The following TASP1 variants were observed in gnomAD, a reference collection of about 807,000 sequenced individuals.
TASP1 encodes taspase 1.
Under a neutral mutation model 56.6 loss-of-function variants are expected in TASP1, and 16 were observed. The ratio of observed to expected loss-of-function variants is 0.28; its 90% CI spans 0.19 to 0.43. The LOEUF is 0.43. Among genes scored for constraint, TASP1 ranks in the 20% least tolerant of loss-of-function variants. TASP1 has a pLI of 1.00. For synonymous variants in TASP1, 179 were observed against 184.2 expected (o/e 0.97, Z 0.23); for missense variants, 393 against 511.6 (o/e 0.77, Z 2.24).
intron 13 of TASP1, among the ~76,000 whole-genome samples, chr20:13,401,116 G>T (rs6134861): frequency 6.6e-6 from 1 of 152,152 alleles, no homozygotes; most frequent in Non-Finnish European, 1.5e-5. Context: ...CTGCCACATA[G>T]GAAGTGGGTC....
chr20:13,116,808 G>A, the TASP1 span, among the ~76,000 whole-genome samples: 1 of 152,180 alleles, frequency 6.6e-6, no homozygotes, highest in African/African-American at 2.4e-5. Flanking sequence ...CACGTTCTCA[G>A]CCCACCCAAT....
the TASP1 span, among the ~76,000 whole-genome samples, chr20:13,371,356 CTT>C: frequency 6.6e-6 from 1 of 152,068 alleles, no homozygotes; most frequent in Middle Eastern, 3.2e-3. Flanking sequence ...TATGTTGTGT[CTT>C]TGTTTTCATT....
the TASP1 span, among the ~76,000 whole-genome samples, chr20:13,251,823 G>T: frequency 6.6e-6 from 1 of 152,122 alleles, no homozygotes; most frequent in Non-Finnish European, 1.5e-5. Flanking sequence ...ACTGGGGAGG[G>T]TGAGCACTTA....
At chr20:13,442,958 A>AC (rs1227959901) in intron 11 of TASP1, among the ~76,000 whole-genome samples, 1 of 152,144 alleles carries the variant, frequency 6.6e-6, no homozygotes, top group African/African-American at 2.4e-5. Context: ...TTTAAATTGC[A>AC]CTCTTCAGTT....
the TASP1 span, chr20:13,153,935 A>C: frequency 6.3e-7 from 1 of 1,583,734 alleles, no homozygotes; most frequent in Non-Finnish European, 8.6e-7. Flanking sequence ...ATGCTTGCCA[A>C]GTTGACCGGA....
At chr20:13,123,959 T>C in the TASP1 span, among the ~76,000 whole-genome samples, 1 of 151,930 alleles carries the variant, frequency 6.6e-6, no homozygotes, top group African/African-American at 2.4e-5. Flanking sequence ...AACATGCCAC[T>C]GTGAAGGACA....
the TASP1 span, among the ~76,000 whole-genome samples, chr20:13,289,299 C>T: frequency 6.6e-6 from 1 of 152,138 alleles, no homozygotes; most frequent in African/African-American, 2.4e-5. Context: ...CACTCATGGT[C>T]TGATGAGGAA....
chr20:13,141,604 G>GC, the TASP1 span, among the ~76,000 whole-genome samples: 11 of 152,176 alleles, frequency 7.2e-5, no homozygotes, highest in African/African-American at 2.7e-4. Flanking sequence ...CTGTCTGAGG[G>GC]CCCCGGCATT....
chr20:13,319,989 C>T, the TASP1 span, among the ~76,000 whole-genome samples: 19 of 152,170 alleles, frequency 1.2e-4, no homozygotes, highest in Non-Finnish European at 1.9e-4. Flanking sequence ...AAAACTCCAC[C>T]GAAGGGTTGG....
the TASP1 span, chr20:13,164,479 T>C: frequency 3.8e-6 from 2 of 533,092 alleles, no homozygotes; most frequent in Non-Finnish European, 7.2e-6. Context: ...TAAGCATGGG[T>C]CACATGTTTT....
At chr20:13,352,319 G>A in the TASP1 span, among the ~76,000 whole-genome samples, 5 of 152,034 alleles carry the variant, frequency 3.3e-5, no homozygotes, top group East Asian at 9.7e-4. Flanking sequence ...GCGTGGTGGA[G>A]CACGCCTGTA....
the TASP1 span, chr20:13,299,697 CAGA>C: frequency 2.3e-6 from 1 of 433,196 alleles, no homozygotes; most frequent in African/African-American, 1.9e-5. The surrounding 1 kb of genome is among the most constrained non-coding windows in gnomAD (Gnocchi z 5.8). Flanking sequence ...GCGATGTGGG[CAGA>C]AGGATGGGGA....
chr20:13,394,845 A>C (rs777101656), intron 13 of TASP1, among the ~76,000 whole-genome samples: 1 of 152,200 alleles, frequency 6.6e-6, no homozygotes, highest in Non-Finnish European at 1.5e-5. Context: ...CTATCAACTT[A>C]TAAATTAAAC....
chr20:13,418,508 GGAA>G (rs1555841993), intron 12 of TASP1, among the ~76,000 whole-genome samples: 1 of 152,026 alleles, frequency 6.6e-6, no homozygotes, highest in Non-Finnish European at 1.5e-5. Flanking sequence ...AAATAAATGG[GGAA>G]GAAGACAAAG....
At chr20:13,363,215 A>G in the TASP1 span, among the ~76,000 whole-genome samples, 1 of 152,130 alleles carries the variant, frequency 6.6e-6, no homozygotes, top group Non-Finnish European at 1.5e-5. Flanking sequence ...CTTGATTACA[A>G]GCTTGGAACT....
the TASP1 span, among the ~76,000 whole-genome samples, chr20:13,132,426 C>T: frequency 6.6e-6 from 1 of 152,070 alleles, no homozygotes; most frequent in Non-Finnish European, 1.5e-5. Context: ...GTCCACCCAC[C>T]TCGGCCTCCC....
chr20:13,207,365 G>T, the TASP1 span, among the ~76,000 whole-genome samples: 1 of 152,186 alleles, frequency 6.6e-6, no homozygotes, highest in South Asian at 2.1e-4. Context: ...TAAGTCACAC[G>T]GTGTATTAAT....
At chr20:13,360,231 TA>T in the TASP1 span, among the ~76,000 whole-genome samples, 2 of 151,416 alleles carry the variant, frequency 1.3e-5, no homozygotes, top group African/African-American at 4.9e-5. Flanking sequence ...TTTGCACCCT[TA>T]ATCCCAGCCT....
intron 13 of TASP1, among the ~76,000 whole-genome samples, chr20:13,394,406 T>C (rs12151884): frequency 0.048 from 7,233 of 151,036 alleles, 301 homozygotes; most frequent in Admixed American, 0.14. Flanking sequence ...GTCAGGAGTT[T>C]GAGACCATCC....
Sources: gnomAD v4.1 joint callset for allele counts (sites outside exome capture counted in the v4.1 genomes callset) on GRCh38, gnomAD v4.1.1 for gene constraint, Gnocchi (gnomAD v3.1) non-coding constraint, MANE v1.5 for transcripts, NCBI Gene and HGNC (gene_info 2026-07-23, HGNC 2026-07-21) for gene names.